Variants in CCDC170 observed in about 807,000 individuals in gnomAD.
CCDC170 encodes the protein coiled-coil domain containing 170.
In CCDC170, 69 loss-of-function variants were observed where a neutral mutation model predicts 72.6. The observed-to-expected ratio is 0.95, with a 90% CI of 0.78 to 1.16. The LOEUF (loss-of-function observed/expected upper bound fraction) is 1.16. Among genes scored for constraint, CCDC170 ranks in the 50% most tolerant of loss-of-function variants. The probability of loss-of-function intolerance (pLI) is 0.00; values close to 1 mark genes in which losing one functional copy is unlikely to be tolerated. For synonymous variants in CCDC170, 300 were observed against 303.9 expected (o/e 0.99, Z 0.13); for missense variants, 852 against 832.5 (o/e 1.02, Z -0.29).
chr6:151,602,787 C>T (rs561369077), intron 9 of CCDC170, among the ~76,000 whole-genome samples: 1 of 151,852 alleles, frequency 6.6e-6, no homozygotes, highest in East Asian at 1.9e-4. Context: ...ATTACCCAGT[C>T]TCAGATATTT....
At chr6:151,616,113 A>T (rs1283901945) in intron 10 of CCDC170, among the ~76,000 whole-genome samples, 1 of 152,122 alleles carries the variant, frequency 6.6e-6, no homozygotes, top group Non-Finnish European at 1.5e-5. Context: ...GGTTTTTGTT[A>T]TGTTAGGTGA....
At chr6:151,595,575 G>C (rs1776608956) in intron 8 of CCDC170, among the ~76,000 whole-genome samples, 1 of 152,122 alleles carries the variant, frequency 6.6e-6, no homozygotes. Flanking sequence ...CAGCACTTTT[G>C]GAGGCTGAGG....
At position 151,525,001 on chromosome 6, in the gene CCDC170, C is replaced by T. The variant is rs147244258; in HGVS notation, c.58-11317C>T. On this transcript the variant is annotated intron_variant, in intron 1 of 10. Transcript: ENST00000239374. Reference sequence around the variant, plus strand: ...AGGCTGGAGTGCAGTGGTGCAATCTCGGCTCACTGCAAACTCCGCCTCCCA... The same window carrying T: ...AGGCTGGAGTGCAGTGGTGCAATCTTGGCTCACTGCAAACTCCGCCTCCCA... 6.8e-3 allele frequency among the ~76,000 whole-genome samples: 952 copies of T among 139,932 alleles called. 15 individuals carry two copies. Among genetic ancestry groups the T allele is most frequent in the African/African-American group, 0.025 (887 of 36,184 alleles). The allele number at this position is 139,932 out of a possible 152,430, so 91.8% of individuals were successfully genotyped here.
intron 7 of CCDC170, among the ~76,000 whole-genome samples, chr6:151,592,060 T>C (rs371033310): frequency 6.6e-6 from 1 of 152,014 alleles, no homozygotes; most frequent in South Asian, 2.1e-4. Flanking sequence ...ATTTTCACAC[T>C]GCTGACAAAG....
chr6:151,501,195 C>G (rs973630798), intron 1 of CCDC170, among the ~76,000 whole-genome samples: 2 of 151,790 alleles, frequency 1.3e-5, no homozygotes, highest in Admixed American at 6.6e-5. Context: ...TTAGACAAAC[C>G]CACCTTGAAG....
chr6:151,601,255 T>G (rs1369597793), intron 9 of CCDC170, among the ~76,000 whole-genome samples: 1 of 152,162 alleles, frequency 6.6e-6, no homozygotes, highest in Non-Finnish European at 1.5e-5. Context: ...ATGAGAAAAG[T>G]TGGGGGATAC....
At chr6:151,617,861 A>T in intron 10 of CCDC170, 86 bp from the exon 11 acceptor site, 1 of 1,327,102 alleles carries the variant, frequency 7.5e-7, no homozygotes. Context: ...TGGGTTTTCT[A>T]CAGGTTTTTT....
rs1287039656 is a variant in CCDC170 at position 151,621,017 on chromosome 6, C to T, written c.*2870C>T. The stretch of plus-strand genomic sequence containing the variant: ...ATGATCTACAGTGATCTTTAACATA[C>T]TCAGAAATATGAAAAATGTTTGAAT... On this transcript the variant is annotated 3_prime_UTR_variant, in exon 11 of 11. Transcript: ENST00000239374. 1 of 152,064 alleles carries T rather than the reference C, an allele frequency of 6.6e-6. No individual in the cohort carries two copies. Among genetic ancestry groups the T allele is most frequent in the African/African-American group, 2.4e-5 (1 of 41,378 alleles). 9.4% of individuals were successfully genotyped at this position (152,064 alleles called of 1,614,324 possible). A position where few individuals can be genotyped will look rare whatever the true frequency, so the allele number is the denominator to read the frequency against.
At chr6:151,588,412 C>T (rs1776486724) in intron 7 of CCDC170, among the ~76,000 whole-genome samples, 1 of 152,192 alleles carries the variant, frequency 6.6e-6, no homozygotes, top group South Asian at 2.1e-4. Context: ...AAGTCCTCGC[C>T]TTCCAAGGGT....
chr6:151,534,299 C>T (rs1025165739), intron 1 of CCDC170, among the ~76,000 whole-genome samples: 11 of 151,882 alleles, frequency 7.2e-5, no homozygotes, highest in Admixed American at 6.6e-4. Context: ...AAGTGATCCT[C>T]TTGCCTCATT....
chr6:151,576,890 C>T (rs1252942126), intron 6 of CCDC170, among the ~76,000 whole-genome samples: 4 of 152,184 alleles, frequency 2.6e-5, no homozygotes, highest in Admixed American at 6.5e-5. Flanking sequence ...GAAGGCTCCA[C>T]GGCGGGTTCA....
chr6:151,553,355 T>C (rs1297310945), intron 5 of CCDC170, among the ~76,000 whole-genome samples: 1 of 152,152 alleles, frequency 6.6e-6, no homozygotes, highest in Non-Finnish European at 1.5e-5. Flanking sequence ...TACATACAAG[T>C]CTGATGCCAG....
At chr6:151,579,725 G>A (rs752290867) in intron 6 of CCDC170, among the ~76,000 whole-genome samples, 4 of 152,176 alleles carry the variant, frequency 2.6e-5, no homozygotes, top group Non-Finnish European at 5.9e-5. Context: ...ACATGACATA[G>A]GACAATTCCT....
At chr6:151,538,001 T>C (rs1782617709) in intron 2 of CCDC170, 44 bp from the exon 3 acceptor site, 7 of 1,537,550 alleles carry the variant, frequency 4.6e-6, no homozygotes, top group African/African-American at 1.5e-5. Flanking sequence ...TTCAAACTTA[T>C]GTTGTTAAGG....
intron 6 of CCDC170, among the ~76,000 whole-genome samples, chr6:151,582,793 A>T (rs1319051529): frequency 6.6e-6 from 1 of 152,124 alleles, no homozygotes; most frequent in African/African-American, 2.4e-5. Flanking sequence ...TTCAACAACC[A>T]GAGCTCATGG....
At chr6:151,589,231 G>T (rs1001529880) in intron 7 of CCDC170, among the ~76,000 whole-genome samples, 1 of 150,878 alleles carries the variant, frequency 6.6e-6, no homozygotes, top group Non-Finnish European at 1.5e-5. Flanking sequence ...CTCCAGCCTG[G>T]GTGACAGAGA....
At chr6:151,547,135 G>A (rs1182203821) in intron 4 of CCDC170, among the ~76,000 whole-genome samples, 3 of 152,086 alleles carry the variant, frequency 2.0e-5, no homozygotes, top group Non-Finnish European at 4.4e-5. Flanking sequence ...TCATAAACAC[G>A]TGTGCACACG....
intron 1 of CCDC170, among the ~76,000 whole-genome samples, chr6:151,508,785 G>A (rs934804195): frequency 6.6e-6 from 1 of 151,936 alleles, no homozygotes; most frequent in Non-Finnish European, 1.5e-5. Flanking sequence ...GGAGCCTGAG[G>A]CAGGTGGATC....
At chr6:151,617,867 T>A (rs1390734496) in intron 10 of CCDC170, 80 bp from the exon 11 acceptor site, 2 of 1,411,260 alleles carry the variant, frequency 1.4e-6, no homozygotes, top group East Asian at 2.3e-5. Context: ...TTCTACAGGT[T>A]TTTTGTTTGT....
Sources: allele counts gnomAD v4.1 joint callset (sites outside exome capture counted in the v4.1 genomes callset), GRCh38; gene constraint gnomAD v4.1.1; transcripts MANE v1.5; gene names NCBI Gene and HGNC (gene_info 2026-07-23, HGNC 2026-07-21).